LMO2: variants seen among roughly 807,000 people sequenced by gnomAD.
The protein encoded by LMO2 is LIM domain only 2.
LMO2 carries 20 observed loss-of-function variants against 23.2 expected under a neutral mutation model. The ratio of observed to expected loss-of-function variants is 0.86; its 90% CI spans 0.61 to 1.25. The LOEUF is 1.25. Among genes scored for constraint, LMO2 ranks in the 50% most tolerant of loss-of-function variants. The probability of loss-of-function intolerance (pLI) is 0.00; values close to 1 mark genes in which losing one functional copy is unlikely to be tolerated. For missense variants in LMO2, 270 were observed against 315.3 expected (o/e 0.86, Z 1.09); for synonymous variants, 123 against 130.2 (o/e 0.94, Z 0.38).
Position 33,869,869 on chromosome 11 carries a change from A to T in LMO2, c.-153T>A, listed in dbSNP as rs1856959500. 6 of 1,052,360 alleles carry T rather than the reference A, an allele frequency of 5.7e-6. No homozygotes were observed. The highest frequency in any genetic ancestry group is 6.9e-6 in the Non-Finnish European group (6 of 873,844). The allele number at this position is 1,052,360 out of a possible 1,614,324, so 65.2% of individuals were successfully genotyped here. A position where few individuals can be genotyped will look rare whatever the true frequency, so the allele number is the denominator to read the frequency against. ...GCGCTGCTCGCCGCCGAGGGCAGAG[A>T]GGGGGCGGCGGCCTAGGGGCGGGGA... On this transcript the variant is annotated 5_prime_UTR_variant, in exon 3 of 6. Transcript: ENST00000257818.
chr11:33,881,471 A>T (rs2133713050), intron 2 of LMO2: 1 of 446,356 alleles, frequency 2.2e-6, no homozygotes, highest in South Asian at 1.6e-5. Context: ...AGCAATTGTG[A>T]CTTGGGTTGG....
At chr11:33,887,211 T>TGA (rs1185321037) in intron 1 of LMO2, among the ~76,000 whole-genome samples, 13 of 152,228 alleles carry the variant, frequency 8.5e-5, no homozygotes, top group Non-Finnish European at 1.8e-4. Flanking sequence ...CCACAAGCCA[T>TGA]TTTGTAGCTT....
At chr11:33,884,139 G>A (rs1163080064) in intron 1 of LMO2, among the ~76,000 whole-genome samples, 3 of 152,284 alleles carry the variant, frequency 2.0e-5, no homozygotes, top group African/African-American at 4.8e-5. Flanking sequence ...CATAGGCAGC[G>A]AGGGAAGCCA....
At position 33,874,449 on chromosome 11, in the gene LMO2, A is replaced by T. The variant is rs572357411; in HGVS notation, c.-271-4462T>A. ...GCAATCATAATGTCACCAGGGCCAG[A>T]ACTAGGATGAGGCCACTGGGGTGCC... is the stretch of plus-strand genomic sequence containing the variant. On this transcript the variant is annotated intron_variant, in intron 2 of 5. Transcript: ENST00000257818. 6.6e-4 allele frequency among the ~76,000 whole-genome samples: 100 copies of T among 152,320 alleles called. 1 individual carries two copies. Among genetic ancestry groups the T allele is most frequent in the African/African-American group, 2.3e-3 (95 of 41,574 alleles).
intron 1 of LMO2, among the ~76,000 whole-genome samples, chr11:33,885,787 T>C (rs1301638357): frequency 1.3e-5 from 2 of 151,890 alleles, no homozygotes; most frequent in African/African-American, 4.8e-5. Context: ...GTAGATGATG[T>C]GGGTAACTGG....
At chr11:33,867,709 A>C (rs1226814076) in intron 4 of LMO2, among the ~76,000 whole-genome samples, 1 of 152,228 alleles carries the variant, frequency 6.6e-6, no homozygotes, top group Non-Finnish European at 1.5e-5. Flanking sequence ...AGCCTCCAGC[A>C]GTAGATATCT....
intron 2 of LMO2, chr11:33,881,476 G>T (rs868243317): frequency 2.3e-6 from 1 of 443,274 alleles, no homozygotes; most frequent in South Asian, 1.6e-5. Flanking sequence ...TTGTGACTTG[G>T]GTTGGGAGAC....
At position 33,859,497 on chromosome 11, in the gene LMO2, G is replaced by A. The variant is rs9282777; in HGVS notation, c.543C>T (p.Asp181=). 2.0e-3 allele frequency: 3,170 copies of A among 1,614,106 alleles called. 131 individuals carry two copies. The Admixed American group carries it at 0.051, about 26-fold the overall frequency. The change falls in exon 6 of 6, where the codon GAC becomes GAT. Residue 181 remains aspartate (D), a synonymous_variant. Transcript: ENST00000257818. Reference sequence around the variant, plus strand: ...TGAAACATTCCAGGTGATACACTTTGTCTTTCACCCGCATTGTCATCTCAT... The same window carrying A: ...TGAAACATTCCAGGTGATACACTTTATCTTTCACCCGCATTGTCATCTCAT... The part of the protein sequence containing the change: ...RAYEMTMRVK[D]KVYHLECFKC...
chr11:33,860,152 G>A (rs1421658548), intron 5 of LMO2, among the ~76,000 whole-genome samples: 1 of 152,166 alleles, frequency 6.6e-6, no homozygotes, highest in African/African-American at 2.4e-5. Flanking sequence ...CAGCTGCTGG[G>A]AGACAGGGAG....
chr11:33,865,967 T>C (rs1383814228), intron 4 of LMO2, among the ~76,000 whole-genome samples: 2 of 152,236 alleles, frequency 1.3e-5, no homozygotes, highest in Admixed American at 6.5e-5. Context: ...TAAAAATCTA[T>C]TATGTTTCAA....
rs1219727929 is a variant in LMO2, at chr11:33,863,830, GA to G, written c.464+771del. ...TTCCATCCCTTTGCTCATTAGATTG[GA>G]AAATAATGATTATGTAAGAGCAGCT... On this transcript the variant is annotated intron_variant, in intron 5 of 5. Coordinates refer to ENST00000257818, the MANE Select transcript of LMO2 (RefSeq NM_005574.4). Among the ~76,000 whole-genome samples, 3 of 152,268 alleles carry G rather than the reference GA, an allele frequency of 2.0e-5. No individual in the cohort carries two copies. In the East Asian group the frequency reaches 5.8e-4, roughly 29 times the overall value.
In LMO2 at chr11:33,864,781, G is replaced by A; in HGVS notation, c.285C>T (p.Ser95=). The A allele has an allele frequency of 1.2e-6, 2 of 1,613,908 alleles. No individual in the cohort carries two copies. Among genetic ancestry groups the A allele is most frequent in the Non-Finnish European group, 1.7e-6 (2 of 1,180,028 alleles). ...GCTGGCAGCCGCCGCATGTCAGCAG[G>A]GATGGGGGGATCTGCAGCACCTCAT... ...PVDEVLQIPP[S]LLTCGGCQQN... is the part of the protein sequence containing the mutation. Residue 95 remains serine (S), a synonymous_variant, in exon 5 of 6, where the codon TCC becomes TCT. Transcript: ENST00000257818. This position sits in a 1 kb window ranked among gnomAD's most constrained non-coding sequence, Gnocchi z 4.8.
At chr11:33,862,799 A>G (rs1856632673) in intron 5 of LMO2, among the ~76,000 whole-genome samples, 1 of 152,188 alleles carries the variant, frequency 6.6e-6, no homozygotes, top group Admixed American at 6.5e-5. Context: ...TGCCCATTTT[A>G]ATAACAATAA....
chr11:33,866,272 G>C (rs1229081232), intron 4 of LMO2, among the ~76,000 whole-genome samples: 1 of 152,238 alleles, frequency 6.6e-6, no homozygotes. Flanking sequence ...TCTAGACACA[G>C]TGTAACAGCA....
At chr11:33,862,644 G>GTT (rs564174345) in intron 5 of LMO2, among the ~76,000 whole-genome samples, 20 of 152,232 alleles carry the variant, frequency 1.3e-4, no homozygotes, top group Admixed American at 6.5e-4. Flanking sequence ...GGCCCGTTCA[G>GTT]TTACTCCTCC....
At chr11:33,883,004 T>C (rs1857322918) in intron 1 of LMO2, among the ~76,000 whole-genome samples, 1 of 152,224 alleles carries the variant, frequency 6.6e-6, no homozygotes, top group Non-Finnish European at 1.5e-5. Flanking sequence ...TTTCCCTGGA[T>C]ACCTGATCTA....
chr11:33,862,527 ATG>A (rs1280814824), intron 5 of LMO2, among the ~76,000 whole-genome samples: 1 of 152,206 alleles, frequency 6.6e-6, no homozygotes, highest in Admixed American at 6.5e-5. Context: ...GGTCTCATGA[ATG>A]TTTGAAGCTA....
At chr11:33,879,553 A>G (rs554067134) in intron 2 of LMO2, among the ~76,000 whole-genome samples, 1 of 152,054 alleles carries the variant, frequency 6.6e-6, no homozygotes, top group African/African-American at 2.4e-5. Flanking sequence ...ACTTGAGCCC[A>G]GGAAGGGAGA....
chr11:33,865,102 G>A (rs1856735051), intron 4 of LMO2: 2 of 486,372 alleles, frequency 4.1e-6, no homozygotes, highest in South Asian at 4.1e-5. Flanking sequence ...CCCTGCCCAT[G>A]CCCAGCACTA....
Sources: gnomAD v4.1 joint callset for allele counts (sites outside exome capture counted in the v4.1 genomes callset) on GRCh38, gnomAD v4.1.1 for gene constraint, Gnocchi (gnomAD v3.1) non-coding constraint, MANE v1.5 for transcripts, NCBI Gene and HGNC (gene_info 2026-07-23, HGNC 2026-07-21) for gene names.